Variants in TAOK3 observed in about 807,000 individuals in gnomAD.
The protein encoded by TAOK3 is serine/threonine-protein kinase TAO3.
A neutral mutation model predicts 120.4 loss-of-function variants in TAOK3; 40 were observed. The observed-to-expected ratio is 0.33, with a 90% CI of 0.26 to 0.43. The LOEUF (loss-of-function observed/expected upper bound fraction) is 0.43, where lower values mean the gene tolerates loss of function less well. Among genes scored for constraint, TAOK3 ranks in the 20% least tolerant of loss-of-function variants. The pLI, the probability that TAOK3 is intolerant of heterozygous loss-of-function variation, is 1.00. For synonymous variants in TAOK3, 355 were observed against 387.5 expected (o/e 0.92, Z 0.99); for missense variants, 821 against 1,112.1 (o/e 0.74, Z 3.72).
intron 9 of TAOK3, among the ~76,000 whole-genome samples, chr12:118,222,533 A>G (rs1565971869): frequency 1.6e-5 from 2 of 126,660 alleles, no homozygotes; most frequent in Non-Finnish European, 3.3e-5. Flanking sequence ...CTCCCTCTCG[A>G]AAAAAAAAAA....
At chr12:118,188,654 A>C (rs572176361) in intron 14 of TAOK3, among the ~76,000 whole-genome samples, 1 of 152,218 alleles carries the variant, frequency 6.6e-6, no homozygotes, top group Non-Finnish European at 1.5e-5. Flanking sequence ...AGATAATCGA[A>C]GCCTTTAAAA....
intron 14 of TAOK3, among the ~76,000 whole-genome samples, chr12:118,182,439 G>C (rs1031653346): frequency 2.0e-5 from 3 of 151,412 alleles, no homozygotes; most frequent in African/African-American, 7.3e-5. Flanking sequence ...ATGTTTAGCA[G>C]CATCCCTGGC....
chr12:118,219,228 C>G (rs2039100078), intron 9 of TAOK3, among the ~76,000 whole-genome samples: 1 of 152,042 alleles, frequency 6.6e-6, no homozygotes, highest in Admixed American at 6.6e-5. Context: ...CCCTTTTGCT[C>G]CCTAAACTTT....
chr12:118,224,146 A>G (rs964414079), intron 9 of TAOK3, among the ~76,000 whole-genome samples: 3 of 152,240 alleles, frequency 2.0e-5, no homozygotes, highest in Non-Finnish European at 4.4e-5. Flanking sequence ...AGGTTCAGCT[A>G]AGTAACAAAA....
chr12:118,334,747 G>A (rs187189385), intron 1 of TAOK3, among the ~76,000 whole-genome samples: 22 of 151,770 alleles, frequency 1.4e-4, no homozygotes, highest in East Asian at 9.7e-4. Context: ...GTGGTGGCAC[G>A]AGCCTGTAAT....
In TAOK3 at chr12:118,214,103, C is replaced by T. The variant is rs2038763242; in HGVS notation, c.651G>A (p.Arg217=). ...LGITCIELAE[R]KPPLFNMNAM... is the part of the protein sequence containing the mutation. ...CATTCATGTTGAAAAGGGGCGGCTT[C>T]CGTTCCGCTGGAAGAGGAAAGAAAC... The change falls in exon 10 of 21, where the codon CGG becomes CGA. Residue 217 remains arginine, a synonymous_variant. Transcript: ENST00000392533. 6.2e-7 allele frequency: 1 copy of T among 1,608,480 alleles called. No individual in the cohort carries two copies. Among genetic ancestry groups the T allele is most frequent in the Non-Finnish European group, 8.5e-7 (1 of 1,178,600 alleles).
chr12:118,311,297 C>T (rs868112971), intron 1 of TAOK3, among the ~76,000 whole-genome samples: 31 of 152,230 alleles, frequency 2.0e-4, no homozygotes, highest in African/African-American at 7.5e-4. Flanking sequence ...CCTGTCTTTA[C>T]TAAAAATACA....
At chr12:118,202,016 T>G (rs2038047939) in intron 11 of TAOK3, among the ~76,000 whole-genome samples, 1 of 152,094 alleles carries the variant, frequency 6.6e-6, no homozygotes, top group South Asian at 2.1e-4. Context: ...TTTGTTTACT[T>G]TCCACATGTA....
At chr12:118,182,599 G>GTGTGTGTATATATATATA (rs1440847647) in intron 14 of TAOK3, among the ~76,000 whole-genome samples, 2 of 93,918 alleles carry the variant, frequency 2.1e-5, no homozygotes, top group African/African-American at 9.6e-5. Flanking sequence ...GTGTGTGTGT[G>GTGTGTGTATATATATATA]TATATATATA....
chr12:118,278,675 A>C (rs921412781), intron 1 of TAOK3, among the ~76,000 whole-genome samples: 19 of 152,322 alleles, frequency 1.2e-4, no homozygotes, highest in African/African-American at 4.3e-4. Context: ...TGGGATTGCT[A>C]AGTCAAATGG....
chr12:118,172,442 G>A lies in TAOK3; in HGVS notation c.1899+15C>T, dbSNP rs377763098. The A allele has an allele frequency of 7.4e-6, 12 of 1,612,720 alleles. No homozygotes were observed. The East Asian group carries it at 2.2e-4, about 30-fold the overall frequency. On this transcript the variant is annotated intron_variant, in intron 17 of 20. Transcript: ENST00000392533. ...CTCCTATGTCAATGACAATAGTTAC[G>A]AGCGTAATAAATACCTCCCGAATGT...
rs1048048392 is a variant in TAOK3 at position 118,246,196 on chromosome 12, G to A, written c.121-1231C>T. On this transcript the variant is annotated intron_variant, in intron 3 of 20. Coordinates refer to ENST00000392533, the MANE Select transcript of TAOK3 (RefSeq NM_016281.4). Reference sequence around the variant, plus strand: ...GGCAGTGGCATCCGGGGCCGGGGTCGCGGCCGTGGACGGGGCCGGGGCCGA... The same window carrying A: ...GGCAGTGGCATCCGGGGCCGGGGTCACGGCCGTGGACGGGGCCGGGGCCGA... 9 of 1,410,730 alleles carry A rather than the reference G, an allele frequency of 6.4e-6. No homozygotes were observed. The East Asian group carries it at 7.2e-5, about 11-fold the overall frequency. 87.4% of individuals were successfully genotyped at this position (1,410,730 alleles called of 1,614,324 possible).
intron 1 of TAOK3, among the ~76,000 whole-genome samples, chr12:118,324,464 A>G (rs1475707021): frequency 1.3e-5 from 2 of 152,116 alleles, no homozygotes; most frequent in East Asian, 3.9e-4. Context: ...GTGCTATCAA[A>G]TACTAGATCT....
At chr12:118,217,797 A>ATG (rs1173463113) in intron 9 of TAOK3, among the ~76,000 whole-genome samples, 25 of 65,242 alleles carry the variant, frequency 3.8e-4, no homozygotes, top group African/African-American at 7.9e-4. Context: ...GTATGTATGT[A>ATG]TGTGTGTGTG....
At chr12:118,355,640 T>G (rs974162115) in intron 1 of TAOK3, among the ~76,000 whole-genome samples, 9 of 152,226 alleles carry the variant, frequency 5.9e-5, no homozygotes, top group Non-Finnish European at 1.3e-4. Context: ...TAACGCTGAT[T>G]TTATTATCTA....
chr12:118,271,243 T>C (rs1355453692), intron 1 of TAOK3, among the ~76,000 whole-genome samples: 2 of 152,210 alleles, frequency 1.3e-5, no homozygotes, highest in Admixed American at 6.5e-5. Flanking sequence ...ATTTTAGATA[T>C]GTACAACCGT....
At chr12:118,265,089 G>T (rs932384293) in intron 2 of TAOK3, among the ~76,000 whole-genome samples, 2 of 151,814 alleles carry the variant, frequency 1.3e-5, no homozygotes, top group African/African-American at 2.4e-5. Flanking sequence ...CAAAATATTT[G>T]CCAGTTAAAA....
chr12:118,361,206 G>C (rs1417875413), intron 1 of TAOK3, among the ~76,000 whole-genome samples: 1 of 152,104 alleles, frequency 6.6e-6, no homozygotes, highest in Admixed American at 6.6e-5. Context: ...AGACTTTAAT[G>C]CCTAAAAGCC....
At chr12:118,295,882 A>T (rs1354627086) in intron 1 of TAOK3, among the ~76,000 whole-genome samples, 1 of 152,242 alleles carries the variant, frequency 6.6e-6, no homozygotes, top group African/African-American at 2.4e-5. Context: ...TTTACTAGGC[A>T]TTAGAAATCA....
Sources: allele counts gnomAD v4.1 joint callset (sites outside exome capture counted in the v4.1 genomes callset), GRCh38; gene constraint gnomAD v4.1.1; transcripts MANE v1.5; gene names NCBI Gene and HGNC (gene_info 2026-07-23, HGNC 2026-07-21).